Variants in DDX4 observed in about 807,000 individuals in gnomAD.
DDX4 encodes DEAD-box helicase 4, also known as probable ATP-dependent RNA helicase DDX4.
Under a neutral mutation model 100.0 loss-of-function variants are expected in DDX4, and 25 were observed. The ratio of observed to expected loss-of-function variants is 0.25; its 90% CI spans 0.18 to 0.35. The LOEUF (loss-of-function observed/expected upper bound fraction) is 0.35. DDX4 is among the 10% of genes least tolerant of loss of function. The probability of loss-of-function intolerance (pLI) is 1.00; values close to 1 mark genes in which losing one functional copy is unlikely to be tolerated. For synonymous variants in DDX4, 259 were observed against 275.7 expected, an observed-to-expected ratio of 0.94 and a Z score of 0.60; for missense variants, 635 against 882.4, an observed-to-expected ratio of 0.72 and a Z score of 3.55.
chr5:55,805,152 G>A lies in DDX4; in HGVS notation c.1615+6581G>A, dbSNP rs924186723. ...CTGTTATTGGTGTATAAGAATGCTT[G>A]TGATTTTTGTACATTGATTTTGTAT... On this transcript the variant is annotated intron_variant, in intron 18 of 21. Transcript: ENST00000505374. Among the ~76,000 whole-genome samples, 141 of 151,780 alleles carry A rather than the reference G, an allele frequency of 9.3e-4. 1 individual carries two copies. The highest frequency in any genetic ancestry group is 1.5e-3 in the Non-Finnish European group (100 of 67,758).
chr5:55,765,395 TAAA>T (rs57279452), intron 6 of DDX4, among the ~76,000 whole-genome samples: 4 of 87,598 alleles, frequency 4.6e-5, no homozygotes, highest in South Asian at 4.2e-4. Flanking sequence ...TTAGTTCCCC[TAAA>T]AAAAAAAAAA....
At chr5:55,805,307 C>T (rs1580603474) in intron 18 of DDX4, among the ~76,000 whole-genome samples, 1 of 151,820 alleles carries the variant, frequency 6.6e-6, no homozygotes, top group Non-Finnish European at 1.5e-5. Flanking sequence ...TAATTGAATA[C>T]CCTTTATTTC....
intron 18 of DDX4, among the ~76,000 whole-genome samples, chr5:55,813,053 T>G (rs1433284282): frequency 6.6e-6 from 1 of 152,114 alleles, no homozygotes; most frequent in Non-Finnish European, 1.5e-5. Context: ...TGTGGGAAAA[T>G]CTCCGGCCCA....
intron 2 of DDX4, among the ~76,000 whole-genome samples, chr5:55,741,072 A>G (rs114751912): frequency 1.3e-5 from 2 of 152,288 alleles, no homozygotes; most frequent in Non-Finnish European, 2.9e-5. Flanking sequence ...TCACAGATAG[A>G]TACTTTATTC....
At chr5:55,794,064 G>A (rs1036395342) in intron 17 of DDX4, among the ~76,000 whole-genome samples, 4 of 152,074 alleles carry the variant, frequency 2.6e-5, no homozygotes, top group Non-Finnish European at 5.9e-5. Flanking sequence ...GTTAGGAAGA[G>A]TTCTTTATTG....
At chr5:55,783,841 T>G (rs1742080498) in intron 10 of DDX4, among the ~76,000 whole-genome samples, 1 of 151,108 alleles carries the variant, frequency 6.6e-6, no homozygotes, top group Admixed American at 6.6e-5. Context: ...CAGTAAAGTT[T>G]TTTTTTTTTT....
In DDX4 at chr5:55,763,240, T is replaced by C; in HGVS notation, c.271T>C (p.Phe91Leu). Reference sequence around the variant, plus strand: ...GGGTGGTTTTGGAGTTGGAAAGAGTTTTGGAAACAGAGGTAATTACTTGGT... The same window carrying C: ...GGGTGGTTTTGGAGTTGGAAAGAGTCTTGGAAACAGAGGTAATTACTTGGT... The part of the protein sequence containing the change: ...TMGGFGVGKS[F>L]GNRGFSNSRF... Residue 91 changes from phenylalanine to leucine, a missense_variant, in exon 5 of 22, where the codon TTT (phenylalanine) becomes CTT (leucine). Coordinates refer to ENST00000505374, the MANE Select transcript of DDX4 (RefSeq NM_024415.3). 1 of 1,606,214 alleles carries C rather than the reference T, an allele frequency of 6.2e-7. No individual in the cohort carries two copies. Among genetic ancestry groups the C allele is most frequent in the Non-Finnish European group, 8.5e-7 (1 of 1,173,128 alleles).
chr5:55,756,906 C>G (rs1009756560), intron 3 of DDX4, among the ~76,000 whole-genome samples: 1 of 151,658 alleles, frequency 6.6e-6, no homozygotes, highest in Non-Finnish European at 1.5e-5. Context: ...TGGGGATTGC[C>G]GTGATATATA....
rs1740844644 is a variant in DDX4 at position 55,765,412 on chromosome 5, A to AT, written c.334+1348_334+1349insT. Among the ~76,000 whole-genome samples, 1,013 of 116,776 alleles carry AT rather than the reference A, an allele frequency of 8.7e-3. 8 individuals are homozygous for AT. Among genetic ancestry groups the AT allele is most frequent in the African/African-American group, 0.021 (626 of 30,468 alleles). The allele number at this position is 116,776 out of a possible 152,430, so 76.6% of individuals were successfully genotyped here. On this transcript the variant is annotated intron_variant, in intron 6 of 21. Transcript: ENST00000505374. ...AGTTCCCCTAAAAAAAAAAAAAAAAAAATATATATATATATATATATATAT... is the reference window on the plus strand; with the variant it reads ...AGTTCCCCTAAAAAAAAAAAAAAAAATAATATATATATATATATATATATAT...
intron 10 of DDX4, among the ~76,000 whole-genome samples, chr5:55,782,522 C>T (rs748556287): frequency 2.0e-5 from 3 of 151,618 alleles, no homozygotes; most frequent in Non-Finnish European, 2.9e-5. Flanking sequence ...CGCTTGAATC[C>T]GGGAGGCGGA....
intron 7 of DDX4, among the ~76,000 whole-genome samples, chr5:55,775,650 A>AT (rs543095726): frequency 2.6e-5 from 4 of 152,116 alleles, no homozygotes; most frequent in Non-Finnish European, 5.9e-5. Context: ...TCTGGTAAGT[A>AT]TTTTTTTAAA....
intron 12 of DDX4, 86 bp from the exon 13 acceptor site, chr5:55,785,643 T>C (rs1341399305): frequency 2.2e-6 from 3 of 1,350,640 alleles, no homozygotes; most frequent in Non-Finnish European, 3.1e-6. Flanking sequence ...TATTTAAAAT[T>C]TGATCTTGTC....
At chr5:55,739,123 TG>T (rs953170684) in intron 2 of DDX4, 91 bp downstream of exon 2, 61 of 782,022 alleles carry the variant, frequency 7.8e-5, no homozygotes, top group Non-Finnish European at 6.4e-5. Context: ...ATACAGTCTG[TG>T]TCAGTGTTTA....
In DDX4 at chr5:55,785,886, T is replaced by A. The variant is rs1236783305; in HGVS notation, c.864+15T>A. 1 of 1,582,060 alleles carries A rather than the reference T, an allele frequency of 6.3e-7. No individual in the cohort carries two copies. The highest frequency in any genetic ancestry group is 8.7e-7 in the Non-Finnish European group (1 of 1,151,686). ...CAGCAATTCTGGTCAGTGTATTAAT[T>A]GTTTCTGTATTAGCTATGTAGCACA... On this transcript the variant is annotated intron_variant, in intron 13 of 21. Coordinates refer to ENST00000505374, the MANE Select transcript of DDX4 (RefSeq NM_024415.3).
rs1020575795 is a variant in DDX4, at chr5:55,743,012, G to A, written c.70-3152G>A. ...CTCAAGGAACCTTTGAGAAGGAGGAGGGAACAAACTTGGGGTATTAGGGCA... is the reference window on the plus strand; with the variant it reads ...CTCAAGGAACCTTTGAGAAGGAGGAAGGAACAAACTTGGGGTATTAGGGCA... On this transcript the variant is annotated intron_variant, in intron 2 of 21. Coordinates refer to ENST00000505374, the MANE Select transcript of DDX4 (RefSeq NM_024415.3). Among the ~76,000 whole-genome samples the A allele has an allele frequency of 1.2e-4, 18 of 152,234 alleles. No homozygotes were observed. The East Asian group carries it at 1.5e-3, about 13-fold the overall frequency.
rs746657230 is a variant in DDX4 at position 55,767,037 on chromosome 5, A to C, written c.335-844A>C. 2.7e-6 allele frequency: 4 copies of C among 1,476,620 alleles called. No homozygotes were observed. The African/African-American group carries it at 5.8e-5, about 21-fold the overall frequency. The allele number at this position is 1,476,620 out of a possible 1,614,324, so 91.5% of individuals were successfully genotyped here. A position where few individuals can be genotyped will look rare whatever the true frequency, so the allele number is the denominator to read the frequency against. ...TTTTAAAACTCTGGGAATGTTACTT[A>C]CTAATATCAAAAATGGAGAAGCTAG... On this transcript the variant is annotated intron_variant, in intron 6 of 21. Coordinates refer to ENST00000505374, the MANE Select transcript of DDX4 (RefSeq NM_024415.3).
Position 55,798,681 on chromosome 5 carries a change from G to C in DDX4, c.1615+110G>C, listed in dbSNP as rs570804295. ...CTGACTTTTCATAAGTTTGTTTTAA[G>C]TCTCTCTCCCTCTAAAGCTCTTTTA... On this transcript the variant is annotated intron_variant, in intron 18 of 21. Coordinates refer to ENST00000505374, the MANE Select transcript of DDX4 (RefSeq NM_024415.3). 79 of 1,018,582 alleles carry C rather than the reference G, an allele frequency of 7.8e-5. No individual in the cohort carries two copies. In the South Asian group the frequency reaches 1.8e-3, roughly 23 times the overall value. 63.1% of individuals were successfully genotyped at this position (1,018,582 alleles called of 1,614,324 possible).
intron 3 of DDX4, among the ~76,000 whole-genome samples, chr5:55,747,395 A>C (rs1010353037): frequency 6.6e-6 from 1 of 152,146 alleles, no homozygotes; most frequent in African/African-American, 2.4e-5. Context: ...AAAACAAAAA[A>C]AATTAAAAAT....
chr5:55,812,754 G>T (rs2112194925), intron 18 of DDX4, among the ~76,000 whole-genome samples: 1 of 152,216 alleles, frequency 6.6e-6, no homozygotes, highest in Admixed American at 6.5e-5. Context: ...CTGTCTTAAA[G>T]TATCTAAAGT....
Sources: gnomAD v4.1 joint callset for allele counts (sites outside exome capture counted in the v4.1 genomes callset) on GRCh38, gnomAD v4.1.1 for gene constraint, MANE v1.5 for transcripts, NCBI Gene and HGNC (gene_info 2026-07-23, HGNC 2026-07-21) for gene names.